The following SPRED1 variants were observed in gnomAD, a reference collection of about 807,000 sequenced individuals.
SPRED1 encodes sprouty-related, EVH1 domain-containing protein 1.
SPRED1 carries 18 observed loss-of-function variants against 52.3 expected under a neutral mutation model. That is an observed-to-expected ratio of 0.34 (90% CI 0.24 to 0.51). The LOEUF (loss-of-function observed/expected upper bound fraction) is 0.51, where lower values mean the gene tolerates loss of function less well. SPRED1 is among the 20% of genes least tolerant of loss of function. The probability of loss-of-function intolerance (pLI) is 0.97; values close to 1 mark genes in which losing one functional copy is unlikely to be tolerated. For synonymous variants in SPRED1, 155 were observed against 179.7 expected, an observed-to-expected ratio of 0.86 and a Z score of 1.10; for missense variants, 485 against 551.0, an observed-to-expected ratio of 0.88 and a Z score of 1.20.
intron 1 of SPRED1, among the ~76,000 whole-genome samples, chr15:38,257,875 CT>C (rs1161988920): frequency 1.3e-5 from 2 of 152,184 alleles, no homozygotes; most frequent in African/African-American, 4.8e-5. Flanking sequence ...TGACTGAGAA[CT>C]GCCTAAGGGG....
At chr15:38,258,620 A>G (rs1894147941) in intron 1 of SPRED1, among the ~76,000 whole-genome samples, 1 of 152,128 alleles carries the variant, frequency 6.6e-6, no homozygotes, top group Non-Finnish European at 1.5e-5. Flanking sequence ...AGAGTGCTTA[A>G]ACTTTGAAAT....
At chr15:38,254,869 G>A (rs1894059177) in intron 1 of SPRED1, among the ~76,000 whole-genome samples, 1 of 152,208 alleles carries the variant, frequency 6.6e-6, no homozygotes, top group Admixed American at 6.5e-5. Flanking sequence ...GGTTATTTAG[G>A]AGAAGAACTG....
chr15:38,302,440 A>G (rs1895165243), intron 2 of SPRED1, among the ~76,000 whole-genome samples: 1 of 152,052 alleles, frequency 6.6e-6, no homozygotes, highest in African/African-American at 2.4e-5. Context: ...GGGGGCACAA[A>G]TGAAGAGCAG....
rs1405329153 is a variant in SPRED1 at position 38,324,758 on chromosome 15, C to T, written c.377-5C>T. 1 of 1,603,826 alleles carries T rather than the reference C, an allele frequency of 6.2e-7. No individual in the cohort carries two copies. Among genetic ancestry groups the T allele is most frequent in the Non-Finnish European group, 8.5e-7 (1 of 1,174,768 alleles). On this transcript the variant is annotated splice_polypyrimidine_tract_variant and splice_region_variant and intron_variant, in intron 3 of 6. Transcript: ENST00000299084. ...TACTTAATTAACTTTTATCTATTTT[C>T]TTAGGATGCCCCGAATCAAAAAATG...
chr15:38,313,965 G>C (rs1207424497), intron 2 of SPRED1, among the ~76,000 whole-genome samples: 2 of 151,608 alleles, frequency 1.3e-5, no homozygotes, highest in Non-Finnish European at 3.0e-5. Flanking sequence ...TGATTTATTT[G>C]ATTCACTTGT....
rs147802860 is a variant in SPRED1, at chr15:38,277,193, G to A, written c.33-22180G>A. Among the ~76,000 whole-genome samples, 3 of 152,168 alleles carry A rather than the reference G, an allele frequency of 2.0e-5. No homozygotes were observed. In the East Asian group the frequency reaches 5.8e-4, roughly 29 times the overall value. On this transcript the variant is annotated intron_variant, in intron 1 of 6. Transcript: ENST00000299084. Reference sequence around the variant, plus strand: ...GTTATATAGGTAAATTTTATGACACGGGGTTTGATGTACAGATTATTTCGT... The same window carrying A: ...GTTATATAGGTAAATTTTATGACACAGGGTTTGATGTACAGATTATTTCGT...
chr15:38,301,832 T>C (rs1283789036), intron 2 of SPRED1, among the ~76,000 whole-genome samples: 1 of 151,764 alleles, frequency 6.6e-6, no homozygotes, highest in African/African-American at 2.4e-5. Flanking sequence ...TGGTTATTCA[T>C]TGGTTTTATT....
At chr15:38,288,353 G>A (rs1056419748) in intron 1 of SPRED1, among the ~76,000 whole-genome samples, 1 of 152,224 alleles carries the variant, frequency 6.6e-6, no homozygotes. Flanking sequence ...TTCGGAGTTT[G>A]TAGTGAGCAA....
chr15:38,303,869 T>C (rs1266291028), intron 2 of SPRED1, among the ~76,000 whole-genome samples: 3 of 152,096 alleles, frequency 2.0e-5, no homozygotes, highest in African/African-American at 7.2e-5. Flanking sequence ...CATTATAAAC[T>C]TAGAGTGACA....
intron 1 of SPRED1, among the ~76,000 whole-genome samples, chr15:38,254,618 A>G (rs1274604170): frequency 6.6e-6 from 1 of 151,652 alleles, no homozygotes; most frequent in Non-Finnish European, 1.5e-5. Context: ...TTCAGAAGGT[A>G]AGAAGAATGT....
At chr15:38,260,505 A>AT (rs201329815) in intron 1 of SPRED1, among the ~76,000 whole-genome samples, 24 of 149,538 alleles carry the variant, frequency 1.6e-4, no homozygotes, top group South Asian at 1.1e-3. Context: ...GAAACTACGG[A>AT]TTTTTTTTTT....
At chr15:38,262,327 A>G (rs530127470) in intron 1 of SPRED1, among the ~76,000 whole-genome samples, 1 of 152,182 alleles carries the variant, frequency 6.6e-6, no homozygotes, top group East Asian at 1.9e-4. Context: ...CTGAAATGTG[A>G]TGGGTGTTCT....
intron 1 of SPRED1, among the ~76,000 whole-genome samples, chr15:38,280,007 G>T (rs1205353176): frequency 1.3e-5 from 2 of 152,134 alleles, no homozygotes; most frequent in Non-Finnish European, 2.9e-5. Flanking sequence ...ACAGTTGCAT[G>T]TGTCAGTCTC....
chr15:38,299,684 C>A, intron 2 of SPRED1, 137 bp downstream of exon 2: 2 of 877,440 alleles, frequency 2.3e-6, no homozygotes, highest in Non-Finnish European at 1.8e-6. Flanking sequence ...GTGTTAAAGG[C>A]AGTGAAATAC....
intron 1 of SPRED1, among the ~76,000 whole-genome samples, chr15:38,256,736 C>T (rs1894104881): frequency 6.6e-6 from 1 of 152,094 alleles, no homozygotes; most frequent in South Asian, 2.1e-4. Context: ...AAAATATACC[C>T]AGTGGTGAGT....
rs369538663 is a variant in SPRED1 at position 38,299,566 on chromosome 15, A to G, written c.207+19A>G. ...CAAAATGGTAATGAATAATGTATCT[A>G]ATACTATAATTTTAGATAATGAATT... is the stretch of plus-strand genomic sequence containing the variant. On this transcript the variant is annotated intron_variant, in intron 2 of 6. Coordinates refer to ENST00000299084, the MANE Select transcript of SPRED1 (RefSeq NM_152594.3). The G allele has an allele frequency of 6.2e-7, 1 of 1,607,734 alleles. No individual in the cohort carries two copies. The highest frequency in any genetic ancestry group is 1.3e-5 in the African/African-American group (1 of 74,744).
chr15:38,253,284 C>A, intron 1 of SPRED1, 67 bp downstream of exon 1: 1 of 1,490,146 alleles, frequency 6.7e-7, no homozygotes, highest in Non-Finnish European at 9.2e-7. Flanking sequence ...CTCCCCCAGA[C>A]CCATCCGAAA....
chr15:38,304,011 A>C (rs966393637), intron 2 of SPRED1, among the ~76,000 whole-genome samples: 4 of 152,216 alleles, frequency 2.6e-5, no homozygotes, highest in Non-Finnish European at 4.4e-5. Flanking sequence ...ATAGAAGTTG[A>C]AGTGCCTTTA....
intron 1 of SPRED1, among the ~76,000 whole-genome samples, chr15:38,285,685 A>T (rs1294321509): frequency 6.6e-6 from 1 of 152,168 alleles, no homozygotes; most frequent in South Asian, 2.1e-4. Context: ...TGCGTGAAAT[A>T]TGTGGCTCTT....
Sources: allele counts gnomAD v4.1 joint callset (sites outside exome capture counted in the v4.1 genomes callset), GRCh38; gene constraint gnomAD v4.1.1; transcripts MANE v1.5; gene names NCBI Gene and HGNC (gene_info 2026-07-23, HGNC 2026-07-21).